Variants in COMMD1 observed in about 807,000 individuals in gnomAD.
COMMD1 encodes the protein COMM domain-containing protein 1.
A neutral mutation model predicts 17.2 loss-of-function variants in COMMD1; 10 were observed. That is an observed-to-expected ratio of 0.58 (90% CI 0.36 to 0.99). COMMD1 has a LOEUF of 0.99. Ranked by LOEUF, COMMD1 falls within the 50% of genes least tolerant of loss-of-function variation. The pLI, the probability that COMMD1 is intolerant of heterozygous loss-of-function variation, is 0.01. For missense variants in COMMD1, 270 were observed against 231.8 expected, an observed-to-expected ratio of 1.17 and a Z score of -1.07; for synonymous variants, 97 against 91.6, an observed-to-expected ratio of 1.06 and a Z score of -0.34.
At chr2:61,924,019 C>T (rs1389698999) in intron 1 of COMMD1, among the ~76,000 whole-genome samples, 6 of 152,176 alleles carry the variant, frequency 3.9e-5, no homozygotes, top group Admixed American at 3.9e-4. Context: ...TCAAGCCATC[C>T]ACCCGCCATG....
chr2:62,022,861 A>G (rs548188071), intron 2 of COMMD1, among the ~76,000 whole-genome samples: 1 of 152,174 alleles, frequency 6.6e-6, no homozygotes, highest in South Asian at 2.1e-4. Flanking sequence ...TGTAAGTGCT[A>G]GTCGCTGAGT....
chr2:62,107,879 C>G (rs989863396), intron 2 of COMMD1, among the ~76,000 whole-genome samples: 1 of 152,156 alleles, frequency 6.6e-6, no homozygotes, highest in Non-Finnish European at 1.5e-5. Context: ...TAATAGCTCT[C>G]CATTATCTAC....
intron 2 of COMMD1, among the ~76,000 whole-genome samples, chr2:62,025,316 AG>A (rs888287507): frequency 6.6e-6 from 1 of 152,072 alleles, no homozygotes; most frequent in African/African-American, 2.4e-5. Context: ...ATGTTAGGCC[AG>A]GAGTTCAAGA....
At chr2:61,958,010 G>A (rs1027400147) in intron 1 of COMMD1, among the ~76,000 whole-genome samples, 1 of 152,158 alleles carries the variant, frequency 6.6e-6, no homozygotes, top group East Asian at 1.9e-4. Flanking sequence ...ATTATTAGCT[G>A]CTTTTGAAAA....
intron 2 of COMMD1, among the ~76,000 whole-genome samples, chr2:62,063,868 A>AATATATATATATATATATATAT (rs55740628): frequency 0.019 from 1,547 of 80,814 alleles, 92 homozygotes; most frequent in Non-Finnish European, 0.025. Flanking sequence ...GTCTCTACAA[A>AATATATATATATATATATATAT]ATATATATAT....
rs567634505 is a variant in COMMD1 at position 62,065,489 on chromosome 2, A to G, written c.462+64507A>G. 2.0e-3 allele frequency among the ~76,000 whole-genome samples: 295 copies of G among 150,944 alleles called. 1 individual carries two copies. The highest frequency in any genetic ancestry group is 6.8e-3 in the African/African-American group (278 of 41,088). The stretch of plus-strand genomic sequence containing the variant: ...CAGCCATGCACCACCACACCTGACT[A>G]CTTTTTTTATGTGTGTGTAGAGACA... On this transcript the variant is annotated intron_variant, in intron 2 of 2. Transcript: ENST00000311832.
intron 1 of COMMD1, among the ~76,000 whole-genome samples, chr2:61,984,418 T>G (rs1672048555): frequency 6.6e-6 from 1 of 152,268 alleles, no homozygotes; most frequent in African/African-American, 2.4e-5. Context: ...AGTACCGTAT[T>G]GGTCATTCAG....
At chr2:62,122,444 C>T (rs10193398) in intron 2 of COMMD1, among the ~76,000 whole-genome samples, 9,903 of 126,638 alleles carry the variant, frequency 0.078, 916 homozygotes, top group African/African-American at 0.23. Flanking sequence ...TCTTTCTTTT[C>T]TTTTTTTTTT....
rs192233967 is a variant in COMMD1, at chr2:61,914,543, A to C, written c.180+8685A>C. On this transcript the variant is annotated intron_variant, in intron 1 of 2. Coordinates refer to ENST00000311832, the MANE Select transcript of COMMD1 (RefSeq NM_152516.4). ...AGCCAAAATTGCACTACTGCACTCC[A>C]GCCTGGGCGACAGACGGGACTCTGT... is the stretch of plus-strand genomic sequence containing the variant. 6.9e-3 allele frequency among the ~76,000 whole-genome samples: 1,053 copies of C among 152,188 alleles called. 6 individuals are homozygous for C. Among genetic ancestry groups the C allele is most frequent in the South Asian group, 0.019 (91 of 4,810 alleles).
intron 2 of COMMD1, among the ~76,000 whole-genome samples, chr2:62,047,492 G>A (rs1014920562): frequency 1.5e-4 from 23 of 151,076 alleles, no homozygotes; most frequent in African/African-American, 5.6e-4. Flanking sequence ...TTGAGACGGA[G>A]TCTTTAGGCT....
chr2:61,952,839 A>G (rs1340516823), intron 1 of COMMD1, among the ~76,000 whole-genome samples: 2 of 152,214 alleles, frequency 1.3e-5, no homozygotes, highest in Admixed American at 6.5e-5. Flanking sequence ...TTTCTTAGGT[A>G]AATACCTAGG....
intron 2 of COMMD1, among the ~76,000 whole-genome samples, chr2:62,097,876 AG>A (rs1354132353): frequency 6.6e-6 from 1 of 152,190 alleles, no homozygotes; most frequent in East Asian, 1.9e-4. Flanking sequence ...AGTTAGAAGT[AG>A]GGGGGAAACC....
intron 2 of COMMD1, among the ~76,000 whole-genome samples, chr2:62,007,690 T>C (rs1237783691): frequency 3.3e-5 from 5 of 152,220 alleles, no homozygotes; most frequent in African/African-American, 1.2e-4. Flanking sequence ...GGCTATACCA[T>C]ATAACCTAGG....
At chr2:61,998,997 T>C (rs1277185921) in intron 1 of COMMD1, among the ~76,000 whole-genome samples, 1 of 152,144 alleles carries the variant, frequency 6.6e-6, no homozygotes, top group African/African-American at 2.4e-5. Context: ...CCATAACAGA[T>C]ATAAATAATA....
chr2:62,077,623 T>A (rs1463062268), intron 2 of COMMD1, among the ~76,000 whole-genome samples: 1 of 151,920 alleles, frequency 6.6e-6, no homozygotes, highest in Non-Finnish European at 1.5e-5. Context: ...GACAGGGACC[T>A]AATCTTTGTA....
chr2:61,889,932 G>C (rs935059650), intron 1 of COMMD1, among the ~76,000 whole-genome samples: 5 of 152,148 alleles, frequency 3.3e-5, no homozygotes, highest in African/African-American at 9.7e-5. Flanking sequence ...TTACTTAAAA[G>C]GTGAGAGAAC....
chr2:62,032,372 C>CA (rs546932413), intron 2 of COMMD1, among the ~76,000 whole-genome samples: 73 of 152,002 alleles, frequency 4.8e-4, no homozygotes, highest in Non-Finnish European at 9.1e-4. Context: ...CTTGTTTCTA[C>CA]AAAAAATGTA....
intron 2 of COMMD1, among the ~76,000 whole-genome samples, chr2:62,035,327 C>T (rs1047802300): frequency 1.3e-5 from 2 of 152,190 alleles, no homozygotes; most frequent in Non-Finnish European, 2.9e-5. Flanking sequence ...CTGAAAACTG[C>T]TCAGGCAATT....
intron 2 of COMMD1, among the ~76,000 whole-genome samples, chr2:62,065,788 C>G (rs956464503): frequency 6.6e-6 from 1 of 152,150 alleles, no homozygotes; most frequent in Non-Finnish European, 1.5e-5. Flanking sequence ...GATTATACCT[C>G]AAAGCAAAAA....
Sources: allele counts gnomAD v4.1 joint callset (sites outside exome capture counted in the v4.1 genomes callset), GRCh38; gene constraint gnomAD v4.1.1; transcripts MANE v1.5; gene names NCBI Gene and HGNC (gene_info 2026-07-23, HGNC 2026-07-21).